The following CALCRL variants were observed in gnomAD, a reference collection of about 807,000 sequenced individuals.
CALCRL encodes the protein calcitonin gene-related peptide type 1 receptor.
CALCRL carries 27 observed loss-of-function variants against 60.4 expected under a neutral mutation model. The observed-to-expected ratio is 0.45, with a 90% CI of 0.33 to 0.62. CALCRL has a LOEUF of 0.62. CALCRL is among the 20% of genes least tolerant of loss of function. CALCRL has a pLI of 0.03. For missense variants in CALCRL, 424 were observed against 540.7 expected, an observed-to-expected ratio of 0.78 and a Z score of 2.14; for synonymous variants, 190 against 182.6, an observed-to-expected ratio of 1.04 and a Z score of -0.33.
At chr2:187,394,065 T>G (rs994000021) in intron 1 of CALCRL, among the ~76,000 whole-genome samples, 1 of 151,988 alleles carries the variant, frequency 6.6e-6, no homozygotes, top group African/African-American at 2.4e-5. Context: ...AATTGAGCTC[T>G]TAAAAGAAGA....
intron 1 of CALCRL, among the ~76,000 whole-genome samples, chr2:187,417,561 A>G (rs1409437456): frequency 6.6e-6 from 1 of 152,114 alleles, no homozygotes; most frequent in Non-Finnish European, 1.5e-5. Flanking sequence ...AACAATTTTA[A>G]CATGCCTTTG....
intron 1 of CALCRL, chr2:187,428,225 T>A (rs1250107642): frequency 1.3e-5 from 2 of 152,186 alleles, no homozygotes; most frequent in Admixed American, 1.3e-4. Context: ...TCAAGGCACA[T>A]GATCAAGGAT....
chr2:187,386,432 A>C (rs1220056834), intron 3 of CALCRL, among the ~76,000 whole-genome samples: 1 of 152,128 alleles, frequency 6.6e-6, no homozygotes, highest in Non-Finnish European at 1.5e-5. Context: ...ACTGAAAATC[A>C]ATTTTTTAAA....
intron 14 of CALCRL, among the ~76,000 whole-genome samples, chr2:187,349,861 C>G (rs945719550): frequency 6.6e-6 from 1 of 151,584 alleles, no homozygotes; most frequent in African/African-American, 2.4e-5. Flanking sequence ...GATTAATGTT[C>G]CTGTTGGCAC....
chr2:187,444,618 A>G, intron 1 of CALCRL, among the ~76,000 whole-genome samples: 1 of 151,538 alleles, frequency 6.6e-6, no homozygotes, highest in East Asian at 1.9e-4. Flanking sequence ...GTTTTAGGAA[A>G]ATATTTGCAA....
At chr2:187,408,951 A>G (rs938217131) in intron 1 of CALCRL, among the ~76,000 whole-genome samples, 4 of 152,196 alleles carry the variant, frequency 2.6e-5, no homozygotes, top group African/African-American at 7.2e-5. Flanking sequence ...AATAAGTAGC[A>G]ATTACATTTT....
intron 1 of CALCRL, among the ~76,000 whole-genome samples, chr2:187,406,694 G>A (rs1689145722): frequency 1.3e-5 from 2 of 152,010 alleles, no homozygotes; most frequent in African/African-American, 4.8e-5. Flanking sequence ...GAAAAAAGAT[G>A]TGGTTTGGTC....
chr2:187,346,163 G>T lies in CALCRL; in HGVS notation c.*21C>A. On this transcript the variant is annotated 3_prime_UTR_variant, in exon 15 of 15. Coordinates refer to ENST00000392370, the MANE Select transcript of CALCRL (RefSeq NM_005795.6). ...TGAGTTAGGAGAAGCACAAAACAGTGAGACAACCATCCTTCTATTTTCAAT... is the reference window on the plus strand; with the variant it reads ...TGAGTTAGGAGAAGCACAAAACAGTTAGACAACCATCCTTCTATTTTCAAT... 6.7e-7 allele frequency: 1 copy of T among 1,486,018 alleles called. No individual in the cohort carries two copies. Among genetic ancestry groups the T allele is most frequent in the Non-Finnish European group, 9.3e-7 (1 of 1,077,984 alleles). The allele number at this position is 1,486,018 out of a possible 1,614,324, so 92.1% of individuals were successfully genotyped here. A position where few individuals can be genotyped will look rare whatever the true frequency, so the allele number is the denominator to read the frequency against.
Position 187,346,225 on chromosome 2 carries a change from T to C in CALCRL, c.1345A>G (p.Ile449Val). ...EHLNGKSIHD[I>V]ENVLLKPENL... The stretch of plus-strand genomic sequence containing the variant: ...TCTGGTTTTAAGAGAACATTTTCAA[T>C]ATCATGGATGCTTTTTCCATTTAAG... The change falls in exon 15 of 15, where the codon ATT becomes GTT. Residue 449 changes from isoleucine to valine, a missense_variant. Transcript: ENST00000392370. 1 of 1,611,190 alleles carries C rather than the reference T, an allele frequency of 6.2e-7. No individual in the cohort carries two copies. Among genetic ancestry groups the C allele is most frequent in the Non-Finnish European group, 8.5e-7 (1 of 1,178,244 alleles).
chr2:187,379,353 A>G (rs74764048), intron 7 of CALCRL, among the ~76,000 whole-genome samples: 6,293 of 152,166 alleles, frequency 0.041, 420 homozygotes, highest in African/African-American at 0.14. Flanking sequence ...ATATGAAACT[A>G]GTATTTTATA....
chr2:187,422,846 A>G (rs182755427), intron 1 of CALCRL, among the ~76,000 whole-genome samples: 2 of 152,046 alleles, frequency 1.3e-5, no homozygotes, highest in East Asian at 3.9e-4. Context: ...TGTTTCTTTT[A>G]ACTTTCTTGC....
At chr2:187,414,875 TA>T (rs1689530075) in intron 1 of CALCRL, among the ~76,000 whole-genome samples, 3 of 23,598 alleles carry the variant, frequency 1.3e-4, no homozygotes, top group African/African-American at 5.5e-4. Flanking sequence ...ACCAGAAAAT[TA>T]TTTTTTTTTT....
Position 187,346,154 on chromosome 2 carries a change from C to G in CALCRL, c.*30G>C. The G allele has an allele frequency of 6.9e-7, 1 of 1,445,076 alleles. No individual in the cohort carries two copies. 89.5% of individuals were successfully genotyped at this position (1,445,076 alleles called of 1,614,324 possible). ...CCAAGTCCTTGAGTTAGGAGAAGCA[C>G]AAAACAGTGAGACAACCATCCTTCT... On this transcript the variant is annotated 3_prime_UTR_variant, in exon 15 of 15. Transcript: ENST00000392370.
chr2:187,378,816 T>TA (rs1325289527), intron 8 of CALCRL, 124 bp downstream of exon 8: 1 of 562,908 alleles, frequency 1.8e-6, no homozygotes, highest in Non-Finnish European at 3.1e-6. Flanking sequence ...TATTTCAACT[T>TA]ATTTTAAACA....
intron 1 of CALCRL, among the ~76,000 whole-genome samples, chr2:187,398,542 A>G (rs78548369): frequency 0.046 from 6,947 of 151,616 alleles, 535 homozygotes; most frequent in African/African-American, 0.16. Context: ...TAATAAAATG[A>G]ACCTTTTTCC....
In CALCRL at chr2:187,411,864, C is replaced by T. The variant is rs189294765; in HGVS notation, c.-292-24108G>A. Among the ~76,000 whole-genome samples, 880 of 147,216 alleles carry T rather than the reference C, an allele frequency of 6.0e-3. 9 individuals carry two copies. Among genetic ancestry groups the T allele is most frequent in the African/African-American group, 0.021 (846 of 39,930 alleles). On this transcript the variant is annotated intron_variant, in intron 1 of 14. Coordinates refer to ENST00000392370, the MANE Select transcript of CALCRL (RefSeq NM_005795.6). The stretch of plus-strand genomic sequence containing the variant: ...ACAAAAAATTAGCCAGGCGTGGTGG[C>T]GGGTGCCTGTAGTCACAGCTACTCG...
chr2:187,402,440 T>A (rs1688931327), intron 1 of CALCRL, among the ~76,000 whole-genome samples: 1 of 149,074 alleles, frequency 6.7e-6, no homozygotes, highest in African/African-American at 2.5e-5. Context: ...TGTGTGTATG[T>A]GAGAGAGAGA....
chr2:187,440,898 TAAAC>T (rs1690877334), intron 1 of CALCRL, among the ~76,000 whole-genome samples: 1 of 152,080 alleles, frequency 6.6e-6, no homozygotes, highest in South Asian at 2.1e-4. Context: ...ATTAAAAAAT[TAAAC>T]AATATTTAGG....
chr2:187,383,902 T>C (rs2105786692), intron 4 of CALCRL, among the ~76,000 whole-genome samples: 1 of 152,336 alleles, frequency 6.6e-6, no homozygotes, highest in Non-Finnish European at 1.5e-5. Flanking sequence ...TATATACTTA[T>C]TTTCTTCCAA....
Sources: gnomAD v4.1 joint callset for allele counts (sites outside exome capture counted in the v4.1 genomes callset) on GRCh38, gnomAD v4.1.1 for gene constraint, MANE v1.5 for transcripts, NCBI Gene and HGNC (gene_info 2026-07-23, HGNC 2026-07-21) for gene names.